Variants in ZNF674 observed in about 807,000 individuals in gnomAD.
ZNF674 encodes zinc finger family member 674.
A neutral mutation model predicts 7.0 loss-of-function variants in ZNF674; 2 were observed. The ratio of observed to expected loss-of-function variants is 0.29; its 90% CI spans 0.12 to 0.90. The LOEUF (loss-of-function observed/expected upper bound fraction) is 0.90. Ranked by LOEUF, ZNF674 falls within the 40% of genes least tolerant of loss-of-function variation. The probability of loss-of-function intolerance (pLI) is 0.57; values close to 1 mark genes in which losing one functional copy is unlikely to be tolerated. For missense variants in ZNF674, 297 were observed against 415.5 expected (o/e 0.71, Z 2.48); for synonymous variants, 103 against 145.2 (o/e 0.71, Z 2.09).
At chrX:46,528,585 T>C in intron 4 of ZNF674, 140 bp from the exon 5 acceptor site, 1 of 954,354 alleles carries the variant, frequency 1.0e-6, no homozygotes, top group Non-Finnish European at 1.5e-6. Context: ...GTACAGAACA[T>C]TCACATAGCA....
intron 3 of ZNF674, among the ~76,000 whole-genome samples, chrX:46,532,037 C>T (rs1360001397): frequency 1.1e-4 from 12 of 110,272 alleles, no homozygotes; most frequent in Non-Finnish European, 1.9e-4. Context: ...TGGTGGCGGG[C>T]GCCTGTAATC....
chrX:46,505,796 G>GAA (rs1165929573), intron 5 of ZNF674, among the ~76,000 whole-genome samples: 1 of 71,376 alleles, frequency 1.4e-5, no homozygotes, highest in African/African-American at 4.5e-5. Context: ...ACACACACAC[G>GAA]AAAAAAAAAA....
chrX:46,504,966 T>C (rs893900065), intron 5 of ZNF674, among the ~76,000 whole-genome samples: 1 of 110,255 alleles, frequency 9.1e-6, no homozygotes, highest in Non-Finnish European at 1.9e-5. Context: ...CTCGGCTCAC[T>C]GCAACCTCCG....
chrX:46,509,829 C>T (rs1941615729), intron 5 of ZNF674, among the ~76,000 whole-genome samples: 1 of 107,117 alleles, frequency 9.3e-6, no homozygotes, highest in Admixed American at 1.0e-4. Flanking sequence ...GCTATAAAGA[C>T]ACATGCACAC....
intron 5 of ZNF674, among the ~76,000 whole-genome samples, chrX:46,519,151 C>G (rs1395377808): frequency 9.5e-6 from 1 of 105,078 alleles, no homozygotes; most frequent in African/African-American, 3.5e-5. Context: ...TGCAGTGAGC[C>G]AAGATTGCAC....
Position 46,499,835 on chromosome X carries a change from A to T in ZNF674, c.*8T>A. 9.0e-7 allele frequency: 1 copy of T among 1,108,043 alleles called. No homozygotes were observed. The allele number at this position is 1,108,043 out of a possible 1,213,427, so 91.3% of individuals were successfully genotyped here. A position where few individuals can be genotyped will look rare whatever the true frequency, so the allele number is the denominator to read the frequency against. ...CTACTAGTATAATTATCCCACTCTC[A>T]AGTATAATCATAGGTTTTTATCTCC... On this transcript the variant is annotated 3_prime_UTR_variant, in exon 6 of 6. Transcript: ENST00000683375.
chrX:46,507,176 C>T (rs181276076), intron 5 of ZNF674, among the ~76,000 whole-genome samples: 3 of 110,887 alleles, frequency 2.7e-5, no homozygotes, highest in African/African-American at 9.8e-5. Context: ...TCCAGTGAGA[C>T]CCCGTCTCTA....
chrX:46,534,133 A>C (rs1365088763), intron 3 of ZNF674, among the ~76,000 whole-genome samples: 2 of 108,744 alleles, frequency 1.8e-5, no homozygotes. Flanking sequence ...ATCAGCTCTC[A>C]TGAGACTCAC....
intron 3 of ZNF674, among the ~76,000 whole-genome samples, chrX:46,537,421 A>G: frequency 8.9e-6 from 1 of 111,966 alleles, no homozygotes. Context: ...AAAACAAAAA[A>G]ATTCTGAAAG....
chrX:46,508,348 C>T (rs193004798), intron 5 of ZNF674, among the ~76,000 whole-genome samples: 1 of 111,411 alleles, frequency 9.0e-6, no homozygotes, highest in African/African-American at 3.2e-5. Flanking sequence ...GCTAGTATAA[C>T]CTTGGATACC....
intron 5 of ZNF674, among the ~76,000 whole-genome samples, chrX:46,519,238 A>C (rs191080935): frequency 3.7e-4 from 27 of 73,722 alleles, no homozygotes; most frequent in African/African-American, 1.3e-3. Flanking sequence ...AGATAGATAG[A>C]TAGATAGATA....
At chrX:46,541,944 G>C (rs962260583) in intron 3 of ZNF674, 129 bp downstream of exon 3, 6 of 568,066 alleles carry the variant, frequency 1.1e-5, no homozygotes, top group Middle Eastern at 3.4e-4. Flanking sequence ...AGAAACCAGA[G>C]GCTGAGGACA....
At chrX:46,518,131 A>T (rs1218957021) in intron 5 of ZNF674, among the ~76,000 whole-genome samples, 1 of 111,643 alleles carries the variant, frequency 9.0e-6, no homozygotes, top group Non-Finnish European at 1.9e-5. Context: ...AAGGGAGATG[A>T]TATCAGAGGG....
chrX:46,500,066 C>T lies in ZNF674; in HGVS notation c.1508G>A (p.Arg503Lys). ...CTGATGTTTGATGAGAGTTGACTTC[C>T]TACTGAAGGCTTTTTTACAGTCAGT... ...ECTDCKKAFSRKSTLIKHQRI... is the reference protein window; with the variant it reads ...ECTDCKKAFSKKSTLIKHQRI... Residue 503 changes from arginine (R) to lysine (K), a missense_variant, in exon 6 of 6, where the codon AGG (arginine) becomes AAG (lysine). Arg to Lys is a conservative substitution (Grantham distance 26). Transcript: ENST00000683375. 1.7e-6 allele frequency: 2 copies of T among 1,211,097 alleles called. No homozygotes were observed. Among genetic ancestry groups the T allele is most frequent in the Non-Finnish European group, 1.1e-6 (1 of 895,142 alleles).
chrX:46,508,296 C>T (rs1941578784), intron 5 of ZNF674, among the ~76,000 whole-genome samples: 1 of 110,806 alleles, frequency 9.0e-6, no homozygotes, highest in African/African-American at 3.3e-5. Context: ...GTCACAGTTT[C>T]AAAAATTACA....
In ZNF674 at chrX:46,535,401, C is replaced by G. The variant is rs1049182707; in HGVS notation, c.16-6492G>C. Among the ~76,000 whole-genome samples, 3 of 111,658 alleles carry G rather than the reference C, an allele frequency of 2.7e-5. No homozygotes were observed. The East Asian group carries it at 8.4e-4, about 31-fold the overall frequency. On this transcript the variant is annotated intron_variant, in intron 3 of 5. Transcript: ENST00000683375. ...AGCTTAAGCAATTCTCCTGCCTCAG[C>G]CTTCCAAGTGCTGGGGTTACAGGCA...
chrX:46,513,270 AC>A (rs1204985625), intron 5 of ZNF674, among the ~76,000 whole-genome samples: 2 of 112,055 alleles, frequency 1.8e-5, no homozygotes, highest in Non-Finnish European at 1.9e-5. Context: ...CAAAAAAAAA[AC>A]AAAAACAAAA....
chrX:46,537,609 C>T (rs1942223132), intron 3 of ZNF674, among the ~76,000 whole-genome samples: 1 of 112,011 alleles, frequency 8.9e-6, no homozygotes, highest in African/African-American at 3.2e-5. Context: ...CTTTCTACCA[C>T]ATTTTTTTGT....
rs1209156305 is a variant in ZNF674, at chrX:46,501,118, TA to T, written c.455del (p.Leu152Ter). 8.3e-7 allele frequency: 1 copy of T among 1,204,936 alleles called. No homozygotes were observed. The highest frequency in any genetic ancestry group is 1.8e-5 in the African/African-American group (1 of 57,107). On this transcript the variant is annotated frameshift_variant, in exon 6 of 6. Transcript: ENST00000683375. LOFTEE classifies it low-confidence loss of function (END_TRUNC). ...AGCTTCTATTTTGACCAAGAAAGTT[TA>T]AATGATGTTTTGAACACCTTTCCCA... ...YSWERCSKHH[L>X]NFLGQNRSYV...
Sources: allele counts gnomAD v4.1 joint callset (sites outside exome capture counted in the v4.1 genomes callset), GRCh38; gene constraint gnomAD v4.1.1; transcripts MANE v1.5; gene names NCBI Gene and HGNC (gene_info 2026-07-23, HGNC 2026-07-21).